The following KIN variants were observed in gnomAD, a reference collection of about 807,000 sequenced individuals.
KIN encodes the protein DNA/RNA-binding protein KIN17.
In KIN, 47 loss-of-function variants were observed where a neutral mutation model predicts 63.0. The ratio of observed to expected loss-of-function variants is 0.75; its 90% CI spans 0.59 to 0.95. The LOEUF is 0.95. Among genes scored for constraint, KIN ranks in the 40% least tolerant of loss-of-function variants. KIN has a pLI of 0.00. For missense variants in KIN, 408 were observed against 460.9 expected, an observed-to-expected ratio of 0.89 and a Z score of 1.05; for synonymous variants, 160 against 157.7, an observed-to-expected ratio of 1.01 and a Z score of -0.11.
chr10:7,785,555 G>A (rs2131039054), intron 1 of KIN, among the ~76,000 whole-genome samples: 1 of 152,296 alleles, frequency 6.6e-6, no homozygotes, highest in African/African-American at 2.4e-5. Context: ...CACCTTGGGA[G>A]GCCGAGGCAG....
chr10:7,766,401 T>C (rs574432673), intron 8 of KIN: 2 of 287,690 alleles, frequency 7.0e-6, no homozygotes, highest in Admixed American at 1.0e-4. Flanking sequence ...CCTCACCCAC[T>C]TTCTCCCATG....
intron 8 of KIN, among the ~76,000 whole-genome samples, chr10:7,768,678 G>A (rs1425961088): frequency 3.9e-5 from 6 of 152,154 alleles, no homozygotes; most frequent in East Asian, 1.9e-4. Flanking sequence ...TCTACTGACC[G>A]TAACAAGCGC....
chr10:7,765,597 T>C (rs1835528029), intron 9 of KIN, among the ~76,000 whole-genome samples: 1 of 152,152 alleles, frequency 6.6e-6, no homozygotes, highest in South Asian at 2.1e-4. Context: ...AAATAAGCAA[T>C]AAAATATAAA....
At chr10:7,758,675 C>G (rs1235650003) in intron 12 of KIN, among the ~76,000 whole-genome samples, 1 of 126,364 alleles carries the variant, frequency 7.9e-6, no homozygotes. Context: ...ATGGTCCATG[C>G]AAAAAAAAAA....
Position 7,753,983 on chromosome 10 carries a change from A to G in KIN, c.*2097T>C. The stretch of plus-strand genomic sequence containing the variant: ...CTGACGTCAGCTTATACCCATCCTC[A>G]TGTTTGAAGTGATCATCCTGGTATG... On this transcript the variant is annotated 3_prime_UTR_variant, in exon 13 of 13. Coordinates refer to ENST00000379562, the MANE Select transcript of KIN (RefSeq NM_012311.4). 1 of 454,694 alleles carries G rather than the reference A, an allele frequency of 2.2e-6. No individual in the cohort carries two copies. The highest frequency in any genetic ancestry group is 1.6e-5 in the South Asian group (1 of 64,238). 28.2% of individuals were successfully genotyped at this position (454,694 alleles called of 1,614,324 possible).
intron 1 of KIN, 151 bp from the exon 2 acceptor site, chr10:7,783,326 C>A: frequency 2.4e-6 from 1 of 408,242 alleles, no homozygotes; most frequent in Non-Finnish European, 4.3e-6. Context: ...ATCAGGTTTT[C>A]AAAAAAAATT....
At chr10:7,757,858 A>C (rs1289393961) in intron 12 of KIN, among the ~76,000 whole-genome samples, 6 of 152,162 alleles carry the variant, frequency 3.9e-5, no homozygotes, top group Non-Finnish European at 8.8e-5. Context: ...TAAAAAGCTG[A>C]AGCTATTTAG....
At chr10:7,770,270 C>G (rs556957184) in intron 7 of KIN, among the ~76,000 whole-genome samples, 1 of 152,320 alleles carries the variant, frequency 6.6e-6, no homozygotes, top group African/African-American at 2.4e-5. Context: ...CAATATACAA[C>G]TGTCACCATT....
intron 6 of KIN, among the ~76,000 whole-genome samples, 176 bp downstream of exon 6, chr10:7,775,575 C>T (rs1835753098): frequency 6.6e-6 from 1 of 152,158 alleles, no homozygotes; most frequent in Admixed American, 6.6e-5. Flanking sequence ...CTTGTGGCTT[C>T]AGCTATCCTA....
chr10:7,783,645 C>A (rs1163929440), intron 1 of KIN, among the ~76,000 whole-genome samples: 2 of 152,118 alleles, frequency 1.3e-5, no homozygotes, highest in Admixed American at 6.6e-5. Flanking sequence ...ATTATATTAA[C>A]CTTGTTAAAC....
Position 7,753,868 on chromosome 10 carries a change from G to A in KIN, c.*2212C>T, listed in dbSNP as rs752497130. On this transcript the variant is annotated 3_prime_UTR_variant, in exon 13 of 13. Transcript: ENST00000379562. Reference sequence around the variant, plus strand: ...TCTTACATTTCTGCTAACAGCATACGTTCTCCCATCTTCTGAGAATAGAAG... The same window carrying A: ...TCTTACATTTCTGCTAACAGCATACATTCTCCCATCTTCTGAGAATAGAAG... The A allele has an allele frequency of 9.3e-5, 28 of 302,504 alleles. No individual in the cohort carries two copies. The highest frequency in any genetic ancestry group is 1.7e-4 in the Non-Finnish European group (25 of 148,548). 18.7% of individuals were successfully genotyped at this position (302,504 alleles called of 1,614,324 possible).
intron 1 of KIN, among the ~76,000 whole-genome samples, chr10:7,786,643 A>G (rs1454519470): frequency 6.6e-6 from 1 of 152,094 alleles, no homozygotes; most frequent in Non-Finnish European, 1.5e-5. Context: ...AGCTTGCTCT[A>G]TCTGCTTTGT....
At chr10:7,770,085 C>T (rs926067406) in intron 7 of KIN, among the ~76,000 whole-genome samples, 2 of 152,208 alleles carry the variant, frequency 1.3e-5, no homozygotes, top group African/African-American at 4.8e-5. Context: ...CAGCCACCAC[C>T]ACGCTGGGCT....
chr10:7,779,905 G>T, intron 4 of KIN, 151 bp downstream of exon 4: 1 of 666,874 alleles, frequency 1.5e-6, no homozygotes, highest in Non-Finnish European at 2.5e-6. Context: ...TTAACTTAAG[G>T]CAGAAATTAT....
intron 5 of KIN, 27 bp from the exon 6 acceptor site, chr10:7,775,826 T>C: frequency 7.0e-7 from 1 of 1,422,080 alleles, no homozygotes. Flanking sequence ...TTTAAGGTTT[T>C]GGTGTACATT....
intron 5 of KIN, among the ~76,000 whole-genome samples, chr10:7,778,009 A>C (rs1835815815): frequency 1.3e-5 from 2 of 152,136 alleles, no homozygotes; most frequent in Non-Finnish European, 2.9e-5. Context: ...GGCGCTTATA[A>C]ATATATGTTG....
At chr10:7,782,928 A>C (rs528886977) in intron 2 of KIN, among the ~76,000 whole-genome samples, 153 bp downstream of exon 2, 37 of 152,054 alleles carry the variant, frequency 2.4e-4, no homozygotes, top group Admixed American at 7.8e-4. Flanking sequence ...TTATACTATG[A>C]TTAATTTTCA....
At chr10:7,770,456 A>C (rs1835645004) in intron 7 of KIN, among the ~76,000 whole-genome samples, 1 of 152,206 alleles carries the variant, frequency 6.6e-6, no homozygotes, top group African/African-American at 2.4e-5. Context: ...AAAATTCTTT[A>C]AGGTCCATTC....
Position 7,772,788 on chromosome 10 carries a change from A to T in KIN, c.668+2043T>A, listed in dbSNP as rs375222143. Among the ~76,000 whole-genome samples, 11 of 152,210 alleles carry T rather than the reference A, an allele frequency of 7.2e-5. 1 individual carries two copies. Among genetic ancestry groups the T allele is most frequent in the Admixed American group, 5.9e-4 (9 of 15,284 alleles). ...AAATTATCAAAATTGGTCAAATAAA[A>T]CTAATATTTTTGCTAATATCAAGGT... On this transcript the variant is annotated intron_variant, in intron 7 of 12. Coordinates refer to ENST00000379562, the MANE Select transcript of KIN (RefSeq NM_012311.4).
Sources: allele counts gnomAD v4.1 joint callset (sites outside exome capture counted in the v4.1 genomes callset), GRCh38; gene constraint gnomAD v4.1.1; transcripts MANE v1.5; gene names NCBI Gene and HGNC (gene_info 2026-07-23, HGNC 2026-07-21).